Variants in GRIA1 observed in about 807,000 individuals in gnomAD.
GRIA1 encodes glutamate ionotropic receptor AMPA type subunit 1, also known as glutamate receptor 1.
In GRIA1, 31 loss-of-function variants were observed where a neutral mutation model predicts 99.2. The observed-to-expected ratio is 0.31, with a 90% CI of 0.23 to 0.42. The LOEUF (loss-of-function observed/expected upper bound fraction) is 0.42, where lower values mean the gene tolerates loss of function less well. GRIA1 is among the 10% of genes least tolerant of loss of function. The pLI, the probability that GRIA1 is intolerant of heterozygous loss-of-function variation, is 1.00. For synonymous variants in GRIA1, 438 were observed against 432.4 expected (o/e 1.01, Z -0.16); for missense variants, 782 against 1,157.5 (o/e 0.68, Z 4.71).
chr5:153,757,874 G>A lies in GRIA1; in HGVS notation c.1824-6560G>A, dbSNP rs1401105345. 2.0e-5 allele frequency among the ~76,000 whole-genome samples: 3 copies of A among 151,974 alleles called. 1 individual carries two copies. The South Asian group carries it at 6.2e-4, about 32-fold the overall frequency. ...AACATCTGAAGTTATAAAACTCACT[G>A]GTAAAAGCAAATATACAGACATTCA... On this transcript the variant is annotated intron_variant, in intron 11 of 15. Coordinates refer to ENST00000285900, the MANE Select transcript of GRIA1 (RefSeq NM_000827.4).
chr5:153,526,479 A>G (rs1757610731), intron 2 of GRIA1, among the ~76,000 whole-genome samples: 1 of 152,196 alleles, frequency 6.6e-6, no homozygotes, highest in Non-Finnish European at 1.5e-5. Flanking sequence ...TGTGTTTTAA[A>G]ACAACTTACA....
chr5:153,799,219 T>C (rs1414350720), intron 14 of GRIA1, among the ~76,000 whole-genome samples: 1 of 152,176 alleles, frequency 6.6e-6, no homozygotes. Flanking sequence ...AGTGTGTAGC[T>C]GTGAAATGTG....
At chr5:153,741,175 C>T (rs924232861) in intron 11 of GRIA1, among the ~76,000 whole-genome samples, 19 of 151,822 alleles carry the variant, frequency 1.3e-4, no homozygotes, top group African/African-American at 2.4e-4. Context: ...ATGGTTTCAC[C>T]GTGTTAGCCA....
At chr5:153,676,809 C>T (rs1756618766) in intron 6 of GRIA1, among the ~76,000 whole-genome samples, 185 bp from the exon 7 acceptor site, 1 of 152,152 alleles carries the variant, frequency 6.6e-6, no homozygotes. Context: ...CACCCATCTG[C>T]TTGAATATTT....
At chr5:153,768,982 A>G (rs1003714736) in intron 12 of GRIA1, among the ~76,000 whole-genome samples, 1 of 152,216 alleles carries the variant, frequency 6.6e-6, no homozygotes, top group Non-Finnish European at 1.5e-5. Context: ...GTCCTGGATC[A>G]TGGGCCCTGA....
chr5:153,727,571 A>G (rs1406911580), intron 11 of GRIA1, among the ~76,000 whole-genome samples: 2 of 152,214 alleles, frequency 1.3e-5, no homozygotes, highest in Non-Finnish European at 2.9e-5. Context: ...CAAAAATCAC[A>G]AGAATTCTTA....
At chr5:153,711,260 A>G (rs534712239) in intron 11 of GRIA1, among the ~76,000 whole-genome samples, 1 of 152,210 alleles carries the variant, frequency 6.6e-6, no homozygotes, top group Non-Finnish European at 1.5e-5. Flanking sequence ...TATGAGGAAA[A>G]TGAATTGCGG....
intron 11 of GRIA1, among the ~76,000 whole-genome samples, chr5:153,729,640 T>C (rs1169207882): frequency 2.0e-5 from 3 of 152,058 alleles, no homozygotes; most frequent in Non-Finnish European, 2.9e-5. Context: ...ACATTTCATC[T>C]TGTGAATTTT....
intron 11 of GRIA1, among the ~76,000 whole-genome samples, chr5:153,741,234 A>AAAG (rs34835974): frequency 0.055 from 8,375 of 152,122 alleles, 292 homozygotes; most frequent in Non-Finnish European, 0.075. Context: ...TCGGCCTCCC[A>AAAG]AAGTGCTGGG....
chr5:153,494,065 T>C lies in GRIA1; in HGVS notation c.220T>C (p.Phe74Leu). The C allele has an allele frequency of 6.2e-7, 1 of 1,613,320 alleles. No individual in the cohort carries two copies. Among genetic ancestry groups the C allele is most frequent in the African/African-American group, 1.3e-5 (1 of 75,034 alleles). ...CGACAGCTTTGAGATGACCTATAGATGTAAGTAATTGCTTCTATTTCTGAG... is the reference window on the plus strand; with the variant it reads ...CGACAGCTTTGAGATGACCTATAGACGTAAGTAATTGCTTCTATTTCTGAG... ...ISDSFEMTYR[F>L]CSQFSKGVYA... The change falls in exon 2 of 16, where the codon TTC (phenylalanine) becomes CTC (leucine). Residue 74 changes from phenylalanine (F) to leucine (L), a missense_variant and splice_region_variant. Transcript: ENST00000285900.
intron 11 of GRIA1, among the ~76,000 whole-genome samples, chr5:153,756,385 G>A (rs1314990248): frequency 6.6e-6 from 1 of 152,182 alleles, no homozygotes; most frequent in South Asian, 2.1e-4. Context: ...TCCTGAGGGG[G>A]CCCAGTCTTG....
At chr5:153,506,241 G>T (rs1442923976) in intron 2 of GRIA1, among the ~76,000 whole-genome samples, 1 of 151,888 alleles carries the variant, frequency 6.6e-6, no homozygotes, top group Non-Finnish European at 1.5e-5. Context: ...TAACCATGAG[G>T]TGATGGAATT....
At chr5:153,529,962 C>T (rs1757943218) in intron 2 of GRIA1, among the ~76,000 whole-genome samples, 1 of 152,164 alleles carries the variant, frequency 6.6e-6, no homozygotes, top group African/African-American at 2.4e-5. Context: ...ATTCTAACCT[C>T]TGATCTGCTT....
intron 2 of GRIA1, among the ~76,000 whole-genome samples, chr5:153,635,593 C>T (rs1200629949): frequency 6.6e-6 from 1 of 152,162 alleles, no homozygotes; most frequent in African/African-American, 2.4e-5. Context: ...ACTGTGGCCC[C>T]TGAACCTAAC....
At chr5:153,801,960 G>GC in intron 14 of GRIA1, among the ~76,000 whole-genome samples, 1 of 142,270 alleles carries the variant, frequency 7.0e-6, no homozygotes, top group Admixed American at 7.1e-5. Context: ...GGCGGGGGGG[G>GC]GCGGGGGGCA....
upstream of GRIA1, chr5:153,490,593 G>C (rs1280575389): frequency 4.2e-6 from 2 of 472,828 alleles, no homozygotes; most frequent in East Asian, 4.2e-5. Flanking sequence ...AGAGAGGCAG[G>C]CTGCGAGGGG....
At chr5:153,541,292 C>T (rs1206875195) in intron 2 of GRIA1, among the ~76,000 whole-genome samples, 2 of 152,178 alleles carry the variant, frequency 1.3e-5, no homozygotes, top group Non-Finnish European at 2.9e-5. Context: ...GCTTCATTTA[C>T]TCTTTCTCTT....
At chr5:153,551,433 A>C (rs1396510795) in intron 2 of GRIA1, among the ~76,000 whole-genome samples, 4 of 152,092 alleles carry the variant, frequency 2.6e-5, no homozygotes, top group Non-Finnish European at 4.4e-5. Flanking sequence ...CTTTGATAGA[A>C]ACTGCATCTT....
At chr5:153,525,791 T>G (rs531852949) in intron 2 of GRIA1, among the ~76,000 whole-genome samples, 1 of 152,294 alleles carries the variant, frequency 6.6e-6, no homozygotes, top group East Asian at 1.9e-4. Context: ...GAACCTGGCT[T>G]GGACTTCTCA....
Sources: allele counts gnomAD v4.1 joint callset (sites outside exome capture counted in the v4.1 genomes callset), GRCh38; gene constraint gnomAD v4.1.1; transcripts MANE v1.5; gene names NCBI Gene and HGNC (gene_info 2026-07-23, HGNC 2026-07-21).